DYNC2I1: variants seen among roughly 807,000 people sequenced by gnomAD.
The protein encoded by DYNC2I1 is dynein 2 intermediate chain 1.
A neutral mutation model predicts 133.4 loss-of-function variants in DYNC2I1; 89 were observed. That is an observed-to-expected ratio of 0.67 (90% confidence interval 0.56 to 0.80). The LOEUF (loss-of-function observed/expected upper bound fraction) is 0.80, where lower values mean the gene tolerates loss of function less well. Among genes scored for constraint, DYNC2I1 ranks in the 30% least tolerant of loss-of-function variants. The pLI is 0.00. For synonymous variants in DYNC2I1, 504 were observed against 484.3 expected (o/e 1.04, Z -0.54); for missense variants, 1,291 against 1,314.5 (o/e 0.98, Z 0.28).
chr7:158,859,895 T>C (rs545321753), intron 1 of DYNC2I1, among the ~76,000 whole-genome samples: 1 of 152,170 alleles, frequency 6.6e-6, no homozygotes, highest in Non-Finnish European at 1.5e-5. Context: ...GGTCTTTAAC[T>C]TTTTAGGAAG....
At chr7:158,848,778 G>A in the DYNC2I1 span, among the ~76,000 whole-genome samples, 1 of 152,252 alleles carries the variant, frequency 6.6e-6, no homozygotes, top group East Asian at 1.9e-4. Flanking sequence ...CAAAAAATTA[G>A]CCAGGCATGG....
chr7:158,941,878 A>C (rs147701106), intron 23 of DYNC2I1, 47 bp from the exon 24 acceptor site: 1 of 1,548,798 alleles, frequency 6.5e-7, no homozygotes, highest in Non-Finnish European at 8.7e-7. Flanking sequence ...CCCTGTCTCA[A>C]AAAGAAAAAG....
intron 15 of DYNC2I1, 129 bp downstream of exon 15, chr7:158,918,998 A>C (rs2129486137): frequency 9.2e-7 from 1 of 1,092,438 alleles, no homozygotes; most frequent in Non-Finnish European, 1.2e-6. Context: ...AGAAAGACTG[A>C]GTTTCTGCAG....
Position 158,946,112 on chromosome 7 carries a change from T to C in DYNC2I1, c.*333T>C, listed in dbSNP as rs1851858189. 5.4e-6 allele frequency: 1 copy of C among 185,150 alleles called. No individual in the cohort carries two copies. Among genetic ancestry groups the C allele is most frequent in the African/African-American group, 2.3e-5 (1 of 42,760 alleles). The allele number at this position is 185,150 out of a possible 1,614,324, so 11.5% of individuals were successfully genotyped here. On this transcript the variant is annotated 3_prime_UTR_variant, in exon 25 of 25. Transcript: ENST00000407559. ...GATTTTAAACAGCCTACCATGAAAA[T>C]GTATCTTAATGAACTATTTTCTTAT...
In DYNC2I1 at chr7:158,926,488, C is replaced by T. The variant is rs1358591515; in HGVS notation, c.2433+25C>T. The T allele has an allele frequency of 2.5e-6, 4 of 1,607,978 alleles. No individual in the cohort carries two copies. In the African/African-American group the frequency reaches 4.0e-5, roughly 16 times the overall value. The stretch of plus-strand genomic sequence containing the variant: ...GGTGAGTAGTGGCCCAGGCCGGGCA[C>T]ATGCGGGGCCTGAGTGAGGTGGTCT... On this transcript the variant is annotated intron_variant, in intron 19 of 24. Transcript: ENST00000407559.
chr7:158,943,354 C>G (rs2129489425), intron 24 of DYNC2I1, among the ~76,000 whole-genome samples: 1 of 152,312 alleles, frequency 6.6e-6, no homozygotes, highest in Admixed American at 6.5e-5. Flanking sequence ...GCCGGGGCTC[C>G]ACACCCTGAG....
the DYNC2I1 span, among the ~76,000 whole-genome samples, chr7:158,840,431 G>T: frequency 6.6e-6 from 1 of 152,106 alleles, no homozygotes; most frequent in Non-Finnish European, 1.5e-5. Context: ...GCTGGCCATG[G>T]TGGTGGGCAC....
intron 4 of DYNC2I1, among the ~76,000 whole-genome samples, chr7:158,878,874 A>T (rs1585006550): frequency 6.9e-6 from 1 of 145,498 alleles, no homozygotes; most frequent in East Asian, 2.1e-4. Flanking sequence ...GCCGACTGTG[A>T]GTGCCGGGCA....
intron 4 of DYNC2I1, among the ~76,000 whole-genome samples, chr7:158,878,369 C>G (rs1843593904): frequency 2.5e-5 from 3 of 118,454 alleles, no homozygotes; most frequent in South Asian, 2.9e-4. Flanking sequence ...GAGGGGAGGC[C>G]AGGAGGGCCG....
At chr7:158,955,131 G>T (rs1004324827) in intron 4 of DYNC2I1, among the ~76,000 whole-genome samples, 4 of 152,204 alleles carry the variant, frequency 2.6e-5, no homozygotes, top group Non-Finnish European at 4.4e-5. Context: ...TTGAAACATT[G>T]TTGCTTCCTT....
chr7:158,954,911 C>G (rs1017299098), intron 4 of DYNC2I1, among the ~76,000 whole-genome samples: 3 of 151,782 alleles, frequency 2.0e-5, no homozygotes, highest in Admixed American at 1.3e-4. Context: ...CACCATGCCC[C>G]GTCCCCCACA....
chr7:158,913,372 G>T (rs748118578), intron 13 of DYNC2I1, among the ~76,000 whole-genome samples: 23 of 152,054 alleles, frequency 1.5e-4, no homozygotes, highest in Non-Finnish European at 3.2e-4. Flanking sequence ...TAGAGGGAGA[G>T]ATTCCACATT....
Position 158,923,638 on chromosome 7 carries a change from T to G in DYNC2I1, c.2162T>G (p.Val721Gly), listed in dbSNP as rs1439341492. 3 of 1,614,038 alleles carry G rather than the reference T, an allele frequency of 1.9e-6. No homozygotes were observed. The highest frequency in any genetic ancestry group is 2.5e-6 in the Non-Finnish European group (3 of 1,179,900). Residue 721 changes from valine to glycine, a missense_variant, in exon 17 of 25, where the codon GTT (valine) becomes GGT (glycine). Val to Gly is a moderately radical substitution (Grantham distance 109). Coordinates refer to ENST00000407559, the MANE Select transcript of DYNC2I1 (RefSeq NM_018051.5). Reference sequence around the variant, plus strand: ...TTTGCCGGAACAGCGCACGGCTCAGTTGTCGTCTGGGATTTGAGAGAAGAC... The same window carrying G: ...TTTGCCGGAACAGCGCACGGCTCAGGTGTCGTCTGGGATTTGAGAGAAGAC... ...LLFAGTAHGS[V>G]VVWDLREDSR...
chr7:158,880,866 A>G (rs1050044977), intron 5 of DYNC2I1, among the ~76,000 whole-genome samples: 6 of 151,908 alleles, frequency 3.9e-5, no homozygotes, highest in Non-Finnish European at 5.9e-5. Context: ...TTATTTACCT[A>G]TTTCTTGGTG....
chr7:158,887,161 A>G lies in DYNC2I1; in HGVS notation c.990+86A>G, dbSNP rs187648909. Reference sequence around the variant, plus strand: ...TTACTTTGGGCTTCCCCTTGAAACCAGAGGCCGAGACAGGGCTCATTTGCA... The same window carrying G: ...TTACTTTGGGCTTCCCCTTGAAACCGGAGGCCGAGACAGGGCTCATTTGCA... On this transcript the variant is annotated intron_variant, in intron 7 of 24. Transcript: ENST00000407559. The G allele has an allele frequency of 3.8e-5, 53 of 1,378,528 alleles. No individual in the cohort carries two copies. In the East Asian group the frequency reaches 8.3e-4, roughly 22 times the overall value. The allele number at this position is 1,378,528 out of a possible 1,614,324, so 85.4% of individuals were successfully genotyped here.
intron 11 of DYNC2I1, 34 bp downstream of exon 11, chr7:158,906,125 AG>A (rs1173555847): frequency 6.4e-7 from 1 of 1,570,224 alleles, no homozygotes; most frequent in Non-Finnish European, 8.7e-7. Context: ...AAAGGTGTTC[AG>A]GGTTTTAGCT....
At chr7:158,903,617 A>G (rs1474605897) in intron 10 of DYNC2I1, 1 of 152,222 alleles carries the variant, frequency 6.6e-6, no homozygotes, top group Non-Finnish European at 1.5e-5. Flanking sequence ...CTGTCCTGGT[A>G]GAGGTAAGGA....
At chr7:158,920,942 C>T (rs182729609) in intron 15 of DYNC2I1, among the ~76,000 whole-genome samples, 38 of 152,244 alleles carry the variant, frequency 2.5e-4, no homozygotes, top group African/African-American at 3.6e-4. Flanking sequence ...TATTAAAACA[C>T]GCGGCAGAAT....
intron 1 of DYNC2I1, among the ~76,000 whole-genome samples, chr7:158,863,300 C>T (rs1783549774): frequency 6.6e-6 from 1 of 152,058 alleles, no homozygotes; most frequent in African/African-American, 2.4e-5. Context: ...TTACAGAGTG[C>T]TGATTGGTGC....
Sources: gnomAD v4.1 joint callset for allele counts (sites outside exome capture counted in the v4.1 genomes callset) on GRCh38, gnomAD v4.1.1 for gene constraint, MANE v1.5 for transcripts, NCBI Gene and HGNC (gene_info 2026-07-23, HGNC 2026-07-21) for gene names.